Variants in GRID2 observed in about 807,000 individuals in gnomAD.
The protein encoded by GRID2 is glutamate receptor ionotropic, delta-2.
A neutral mutation model predicts 114.8 loss-of-function variants in GRID2; 33 were observed. The ratio of observed to expected loss-of-function variants is 0.29; its 90% CI spans 0.22 to 0.38. The LOEUF (loss-of-function observed/expected upper bound fraction) is 0.38, where lower values mean the gene tolerates loss of function less well. Ranked by LOEUF, GRID2 falls within the 10% of genes least tolerant of loss-of-function variation. GRID2 has a pLI of 1.00. For synonymous variants in GRID2, 505 were observed against 449.9 expected, an observed-to-expected ratio of 1.12 and a Z score of -1.55; for missense variants, 1,184 against 1,257.7, an observed-to-expected ratio of 0.94 and a Z score of 0.89.
chr4:93,470,678 G>A (rs750311858), intron 11 of GRID2, among the ~76,000 whole-genome samples: 5 of 151,964 alleles, frequency 3.3e-5, no homozygotes, highest in Non-Finnish European at 5.9e-5. Flanking sequence ...ATCTCTCCCT[G>A]ATTTTTCAAT....
chr4:92,360,494 A>T (rs999386083), intron 1 of GRID2, among the ~76,000 whole-genome samples: 1 of 152,002 alleles, frequency 6.6e-6, no homozygotes, highest in African/African-American at 2.4e-5. Context: ...AGAATAATAA[A>T]AAAAAATGCG....
At chr4:92,642,960 T>C (rs1731433350) in intron 2 of GRID2, among the ~76,000 whole-genome samples, 2 of 151,794 alleles carry the variant, frequency 1.3e-5, no homozygotes, top group African/African-American at 4.8e-5. Context: ...TATTGATCTG[T>C]TTGTTTTTGT....
At chr4:93,636,204 T>G (rs145815854) in intron 14 of GRID2, among the ~76,000 whole-genome samples, 1 of 152,208 alleles carries the variant, frequency 6.6e-6, no homozygotes, top group Non-Finnish European at 1.5e-5. Flanking sequence ...AAGCCCATGA[T>G]GCTGGACCAA....
chr4:92,411,625 ATGTGTGTGTG>A (rs751440294), intron 1 of GRID2, among the ~76,000 whole-genome samples: 4 of 105,712 alleles, frequency 3.8e-5, no homozygotes, highest in South Asian at 3.1e-4. Context: ...ATATATATGC[ATGTGTGTGTG>A]TGTGTGTGTG....
At chr4:92,315,587 C>G (rs1323735323) in intron 1 of GRID2, among the ~76,000 whole-genome samples, 1 of 152,062 alleles carries the variant, frequency 6.6e-6, no homozygotes, top group Non-Finnish European at 1.5e-5. Flanking sequence ...TATATAACTT[C>G]AACATCATTA....
chr4:93,429,180 G>C (rs1769160080), intron 10 of GRID2, among the ~76,000 whole-genome samples: 1 of 152,154 alleles, frequency 6.6e-6, no homozygotes, highest in African/African-American at 2.4e-5. Context: ...GATATCTTCA[G>C]TGGTTTCCCT....
chr4:93,543,601 A>C (rs6532415), intron 13 of GRID2, among the ~76,000 whole-genome samples: 25,894 of 152,190 alleles, frequency 0.17, 2,771 homozygotes, highest in Middle Eastern at 0.29. Context: ...TTAATGTCTC[A>C]GTAGACAATA....
At chr4:92,996,096 C>T (rs189962333) in intron 2 of GRID2, among the ~76,000 whole-genome samples, 349 of 151,946 alleles carry the variant, frequency 2.3e-3, no homozygotes, top group Admixed American at 4.0e-3. Context: ...TTGAAATCAG[C>T]CTGGCCAATG....
At chr4:93,459,270 A>T (rs985342707) in intron 11 of GRID2, among the ~76,000 whole-genome samples, 2 of 151,922 alleles carry the variant, frequency 1.3e-5, no homozygotes, top group African/African-American at 4.8e-5. Flanking sequence ...GAGTGAAAAC[A>T]TAATTATAAA....
At chr4:93,617,356 C>A (rs1741784506) in intron 13 of GRID2, among the ~76,000 whole-genome samples, 2 of 152,178 alleles carry the variant, frequency 1.3e-5, no homozygotes, top group Admixed American at 6.5e-5. Flanking sequence ...GCATTGGTGT[C>A]TTTTGGGAGA....
chr4:93,111,964 C>T (rs969497934), intron 4 of GRID2: 4 of 151,972 alleles, frequency 2.6e-5, no homozygotes, highest in East Asian at 1.9e-4. Context: ...TAATAGGAAA[C>T]TTCATTATGC....
chr4:92,945,912 A>G (rs986121320), intron 2 of GRID2, among the ~76,000 whole-genome samples: 2 of 152,070 alleles, frequency 1.3e-5, no homozygotes, highest in African/African-American at 4.8e-5. Context: ...CTTCATAAAT[A>G]TTTCTGGCTG....
At chr4:93,525,657 T>C (rs1196489295) in intron 13 of GRID2, among the ~76,000 whole-genome samples, 1 of 152,142 alleles carries the variant, frequency 6.6e-6, no homozygotes, top group Non-Finnish European at 1.5e-5. Context: ...ATTCAGTGAG[T>C]CTTTGGACAC....
intron 2 of GRID2, among the ~76,000 whole-genome samples, chr4:92,627,897 T>C (rs1233249830): frequency 6.6e-6 from 1 of 152,164 alleles, no homozygotes; most frequent in East Asian, 1.9e-4. Flanking sequence ...ATTGACACTA[T>C]GGCCAATTTC....
At chr4:93,594,001 T>C (rs536021259) in intron 13 of GRID2, among the ~76,000 whole-genome samples, 237 of 152,182 alleles carry the variant, frequency 1.6e-3, no homozygotes, top group African/African-American at 5.1e-3. Context: ...TTGGTTTGAA[T>C]GTCCTCCCGT....
At chr4:92,749,396 C>A (rs1737326904) in intron 2 of GRID2, among the ~76,000 whole-genome samples, 1 of 149,720 alleles carries the variant, frequency 6.7e-6, no homozygotes, top group Admixed American at 6.7e-5. Flanking sequence ...CTCACTGCAA[C>A]CTCCGCCTCC....
chr4:93,705,907 G>A (rs1425009386), intron 14 of GRID2, among the ~76,000 whole-genome samples: 1 of 152,114 alleles, frequency 6.6e-6, no homozygotes, highest in Non-Finnish European at 1.5e-5. Context: ...TGGATATCCA[G>A]TTTTCCCAGC....
intron 8 of GRID2, among the ~76,000 whole-genome samples, chr4:93,268,958 A>G (rs1164192755): frequency 1.3e-5 from 2 of 152,158 alleles, no homozygotes; most frequent in African/African-American, 4.8e-5. Flanking sequence ...TGATGGAGAG[A>G]AATACAAGTT....
At chr4:92,487,558 A>T (rs1722953693) in intron 1 of GRID2, among the ~76,000 whole-genome samples, 3 of 152,194 alleles carry the variant, frequency 2.0e-5, no homozygotes, top group Admixed American at 2.0e-4. Context: ...TTTTCAACAT[A>T]TCCAATAAAT....
Sources: gnomAD v4.1 joint callset for allele counts (sites outside exome capture counted in the v4.1 genomes callset) on GRCh38, gnomAD v4.1.1 for gene constraint, MANE v1.5 for transcripts, NCBI Gene and HGNC (gene_info 2026-07-23, HGNC 2026-07-21) for gene names.